The following HNRNPR variants were observed in gnomAD, a reference collection of about 807,000 sequenced individuals.
The protein encoded by HNRNPR is heterogeneous nuclear ribonucleoprotein R.
Under a neutral mutation model 70.3 loss-of-function variants are expected in HNRNPR, and 4 were observed. The ratio of observed to expected loss-of-function variants is 0.06; its 90% confidence interval spans 0.03 to 0.13. The LOEUF (loss-of-function observed/expected upper bound fraction) is 0.13, where lower values mean the gene tolerates loss of function less well. HNRNPR is among the 10% of genes least tolerant of loss of function. The pLI is 1.00. For synonymous variants in HNRNPR, 241 were observed against 267.6 expected (o/e 0.90, Z 0.97); for missense variants, 423 against 788.5 (o/e 0.54, Z 5.55).
chr1:23,328,943 A>T (rs534968398), intron 5 of HNRNPR, among the ~76,000 whole-genome samples: 1 of 152,106 alleles, frequency 6.6e-6, no homozygotes, highest in South Asian at 2.1e-4. Flanking sequence ...ACAAAGCGAG[A>T]CCCTGCCTCT....
chr1:23,340,564 A>G (rs1646672253), intron 2 of HNRNPR, among the ~76,000 whole-genome samples: 1 of 152,196 alleles, frequency 6.6e-6, no homozygotes, highest in Non-Finnish European at 1.5e-5. Context: ...AAAAATGTAA[A>G]ATTTGGTATG....
chr1:23,330,141 T>C (rs1646155004), intron 5 of HNRNPR, among the ~76,000 whole-genome samples: 2 of 152,156 alleles, frequency 1.3e-5, no homozygotes, highest in Admixed American at 6.6e-5. Flanking sequence ...TTTCTTTTCA[T>C]TACTCTGCAA....
chr1:23,321,163 C>CAAAAAAAAAAAAAAAAAAAAAAAAAAAA (rs58123581), intron 7 of HNRNPR, among the ~76,000 whole-genome samples: 2 of 98,136 alleles, frequency 2.0e-5, no homozygotes, highest in African/African-American at 9.0e-5. Flanking sequence ...AACTCCGTCT[C>CAAAAAAAAAAAAAAAAAAAAAAAAAAAA]AAAAAAAAAA....
intron 8 of HNRNPR, among the ~76,000 whole-genome samples, chr1:23,314,364 A>C (rs989993039): frequency 9.9e-5 from 15 of 152,184 alleles, no homozygotes; most frequent in Non-Finnish European, 1.0e-4. Context: ...AGAATGTTAT[A>C]CTCAACTACT....
In HNRNPR at chr1:23,306,566, A is replaced by G. The variant is rs1013516544; in HGVS notation, c.*3888T>C. On this transcript the variant is annotated 3_prime_UTR_variant, in exon 11 of 11. Transcript: ENST00000302271. ...GAAAAGTACACTTGCAGATTTCTGG[A>G]TAACATCTGAAAATGATTAAAAAAA... 1.3e-5 allele frequency: 2 copies of G among 151,742 alleles called. No individual in the cohort carries two copies. The highest frequency in any genetic ancestry group is 1.9e-4 in the East Asian group (1 of 5,202). The allele number at this position is 151,742 out of a possible 1,614,324, so 9.4% of individuals were successfully genotyped here.
chr1:23,329,029 G>A (rs778188393), intron 5 of HNRNPR, among the ~76,000 whole-genome samples: 2 of 152,174 alleles, frequency 1.3e-5, no homozygotes, highest in Non-Finnish European at 2.9e-5. Flanking sequence ...GCTAAGGCAG[G>A]AGGTTCCCCT....
At position 23,308,180 on chromosome 1, in the gene HNRNPR, T is replaced by C. The variant is rs1473393328; in HGVS notation, c.*2274A>G. The C allele has an allele frequency of 2.6e-5, 4 of 152,054 alleles. No homozygotes were observed. Among genetic ancestry groups the C allele is most frequent in the Non-Finnish European group, 4.4e-5 (3 of 67,916 alleles). The allele number at this position is 152,054 out of a possible 1,614,324, so 9.4% of individuals were successfully genotyped here. The stretch of plus-strand genomic sequence containing the variant: ...GGTACCTCTGCAAATATATTTTTAA[T>C]TAGTGAAAAGGACAGAGGAGGAGGT... On this transcript the variant is annotated 3_prime_UTR_variant, in exon 11 of 11. Coordinates refer to ENST00000302271, the MANE Select transcript of HNRNPR (RefSeq NM_005826.5).
intron 8 of HNRNPR, among the ~76,000 whole-genome samples, chr1:23,317,645 T>C (rs1645601315): frequency 6.6e-6 from 1 of 152,054 alleles, no homozygotes; most frequent in Non-Finnish European, 1.5e-5. Flanking sequence ...CATGACAATC[T>C]TTTGCCTTTC....
At position 23,308,106 on chromosome 1, in the gene HNRNPR, T is replaced by C. The variant is rs1645231389; in HGVS notation, c.*2348A>G. On this transcript the variant is annotated 3_prime_UTR_variant, in exon 11 of 11. Coordinates refer to ENST00000302271, the MANE Select transcript of HNRNPR (RefSeq NM_005826.5). ...TTGAGTTTTAATGTTTATAGGATTA[T>C]GCTTTACAATTTAAAATAGCCACAA... 1 of 152,082 alleles carries C rather than the reference T, an allele frequency of 6.6e-6. No individual in the cohort carries two copies. Among genetic ancestry groups the C allele is most frequent in the South Asian group, 2.1e-4 (1 of 4,836 alleles). The allele number at this position is 152,082 out of a possible 1,614,324, so 9.4% of individuals were successfully genotyped here. A position where few individuals can be genotyped will look rare whatever the true frequency, so the allele number is the denominator to read the frequency against.
chr1:23,326,130 C>T (rs549902900), intron 5 of HNRNPR, among the ~76,000 whole-genome samples: 1 of 152,186 alleles, frequency 6.6e-6, no homozygotes, highest in South Asian at 2.1e-4. Flanking sequence ...CTTTCTTGGC[C>T]CTCCAAAGTA....
chr1:23,324,577 A>C (rs1645889109), intron 5 of HNRNPR, among the ~76,000 whole-genome samples: 1 of 152,104 alleles, frequency 6.6e-6, no homozygotes, highest in African/African-American at 2.4e-5. Context: ...CTAAATAAAT[A>C]AATAAATAAA....
rs2148302661 is a variant in HNRNPR, at chr1:23,310,813, G to A, written c.1543C>T (p.Pro515Ser). 6.2e-7 allele frequency: 1 copy of A among 1,613,864 alleles called. No individual in the cohort carries two copies. ...GGAGGTGGTGCTCCCCTCCCCCTTG[G>A]TGGTGGTGGAGCACCTCGCCCTCCC... ...GRGGRGAPPP[P>S]RGRGAPPPRG... The change falls in exon 11 of 11, where the codon CCA becomes TCA. Residue 515 changes from proline (P) to serine (S), a missense_variant. Transcript: ENST00000302271. The surrounding 1 kb of genome is among the most constrained non-coding windows in gnomAD (Gnocchi z 6.0).
At position 23,305,774 on chromosome 1, in the gene HNRNPR, A is replaced by G. The variant is rs890169548; in HGVS notation, c.*4680T>C. The G allele has an allele frequency of 5.9e-5, 9 of 152,174 alleles. No homozygotes were observed. The highest frequency in any genetic ancestry group is 1.9e-4 in the African/African-American group (8 of 41,466). The allele number at this position is 152,174 out of a possible 1,614,324, so 9.4% of individuals were successfully genotyped here. A position where few individuals can be genotyped will look rare whatever the true frequency, so the allele number is the denominator to read the frequency against. On this transcript the variant is annotated 3_prime_UTR_variant, in exon 11 of 11. Transcript: ENST00000302271. ...CTACCCTAGCTTTCACACAAAACAC[A>G]AGTTGTTCATAGGTTTATGTTTCTG...
intron 5 of HNRNPR, among the ~76,000 whole-genome samples, chr1:23,327,995 CAAA>C (rs11345105): frequency 5.9e-5 from 7 of 118,728 alleles, no homozygotes; most frequent in African/African-American, 2.2e-4. Flanking sequence ...GACTCTGTCT[CAAA>C]AAAAAAAAAA....
At chr1:23,314,585 ATATT>A (rs1201113724) in intron 8 of HNRNPR, among the ~76,000 whole-genome samples, 3 of 152,230 alleles carry the variant, frequency 2.0e-5, no homozygotes, top group Admixed American at 2.0e-4. Context: ...CTCTTAAAAT[ATATT>A]TAAAGTTCAA....
At position 23,309,187 on chromosome 1, in the gene HNRNPR, A is replaced by G. The variant is rs989568501; in HGVS notation, c.*1267T>C. 7.9e-5 allele frequency: 12 copies of G among 152,168 alleles called. No homozygotes were observed. The highest frequency in any genetic ancestry group is 1.0e-4 in the Non-Finnish European group (7 of 67,972). 9.4% of individuals were successfully genotyped at this position (152,168 alleles called of 1,614,324 possible). ...TTAACAGAAAGTCAAAGGTATTACT[A>G]CTGGATATTTTTAAGCCTCTCTTAC... On this transcript the variant is annotated 3_prime_UTR_variant, in exon 11 of 11. Transcript: ENST00000302271.
chr1:23,342,228 C>A (rs1057151690), intron 1 of HNRNPR, among the ~76,000 whole-genome samples: 1 of 152,166 alleles, frequency 6.6e-6, no homozygotes, highest in Non-Finnish European at 1.5e-5. Flanking sequence ...TGCAAATGCA[C>A]CAGGTGCAGT....
chr1:23,342,250 AAAC>A (rs1646730528), intron 1 of HNRNPR, among the ~76,000 whole-genome samples: 1 of 152,228 alleles, frequency 6.6e-6, no homozygotes, highest in African/African-American at 2.4e-5. Flanking sequence ...TTCTGGCTTA[AAAC>A]AACTTCTTTT....
At chr1:23,336,770 A>G (rs1180306395) in intron 4 of HNRNPR, among the ~76,000 whole-genome samples, 1 of 148,768 alleles carries the variant, frequency 6.7e-6, no homozygotes, top group Non-Finnish European at 1.5e-5. Context: ...TCTGTCTCAA[A>G]AAAAAAAAAA....
Sources: gnomAD v4.1 joint callset for allele counts (sites outside exome capture counted in the v4.1 genomes callset) on GRCh38, gnomAD v4.1.1 for gene constraint, Gnocchi (gnomAD v3.1) non-coding constraint, MANE v1.5 for transcripts, NCBI Gene and HGNC (gene_info 2026-07-23, HGNC 2026-07-21) for gene names.